CCDC149: variants seen among roughly 807,000 people sequenced by gnomAD.
CCDC149 encodes the protein coiled-coil domain-containing protein 149.
CCDC149 carries 45 observed loss-of-function variants against 59.9 expected under a neutral mutation model. That is an observed-to-expected ratio of 0.75 (90% CI 0.59 to 0.96). The LOEUF is 0.96. CCDC149 is among the 40% of genes least tolerant of loss of function. CCDC149 has a pLI of 0.00. For missense variants in CCDC149, 584 were observed against 664.7 expected, an observed-to-expected ratio of 0.88 and a Z score of 1.33; for synonymous variants, 245 against 260.6, an observed-to-expected ratio of 0.94 and a Z score of 0.58.
At chr4:24,917,267 G>A (rs534100502), upstream of CCDC149, among the ~76,000 whole-genome samples, 1 of 152,338 alleles carries the variant, frequency 6.6e-6, no homozygotes, top group African/African-American at 2.4e-5. Flanking sequence ...GTCAGCACGA[G>A]CTGCTCCCCT....
At chr4:24,959,877 C>T (rs1466290748) in intron 1 of CCDC149, among the ~76,000 whole-genome samples, 5 of 152,142 alleles carry the variant, frequency 3.3e-5, no homozygotes, top group African/African-American at 1.2e-4. Context: ...GAATTCACCA[C>T]CAGTAGACCT....
chr4:24,826,729 G>C (rs1715767558), intron 9 of CCDC149, among the ~76,000 whole-genome samples: 1 of 152,144 alleles, frequency 6.6e-6, no homozygotes, highest in Non-Finnish European at 1.5e-5. Context: ...TTGAGAAGAG[G>C]CAACTTAGAA....
At chr4:24,875,263 G>A (rs1202236867) in intron 2 of CCDC149, among the ~76,000 whole-genome samples, 1 of 151,744 alleles carries the variant, frequency 6.6e-6, no homozygotes, top group Non-Finnish European at 1.5e-5. Flanking sequence ...CTGGGAGGCG[G>A]AGCTTGCAGT....
At position 24,837,936 on chromosome 4, in the gene CCDC149, G is replaced by A. The variant is rs1249928441; in HGVS notation, c.489+220C>T. 6.6e-6 allele frequency among the ~76,000 whole-genome samples: 1 copy of A among 152,200 alleles called. No homozygotes were observed. The highest frequency in any genetic ancestry group is 6.5e-5 in the Admixed American group (1 of 15,286). On this transcript the variant is annotated intron_variant, in intron 5 of 12. Coordinates refer to ENST00000635206, the MANE Select transcript of CCDC149 (RefSeq NM_001330643.2). The surrounding 1 kb of genome is among the most constrained non-coding windows in gnomAD (Gnocchi z 4.3). ...GGAGGAACGTTTCTTGTTGTGTTCA[G>A]AACAATGGTACCCAATAGCAGGGAG...
intron 3 of CCDC149, among the ~76,000 whole-genome samples, chr4:24,860,464 A>T (rs558951439): frequency 6.6e-5 from 10 of 152,352 alleles, no homozygotes; most frequent in African/African-American, 2.4e-4. Context: ...GAAGGACTTA[A>T]ATCTAAGACC....
At chr4:24,813,499 T>TATATATATATACAC (rs1553846361) in intron 12 of CCDC149, among the ~76,000 whole-genome samples, 18 of 18,300 alleles carry the variant, frequency 9.8e-4, no homozygotes, top group Admixed American at 1.2e-3. Context: ...AATATATATA[T>TATATATATATACAC]ATATATATAT....
At chr4:24,854,741 G>A (rs1577413639) in intron 3 of CCDC149, among the ~76,000 whole-genome samples, 3 of 152,310 alleles carry the variant, frequency 2.0e-5, no homozygotes, top group African/African-American at 7.2e-5. Flanking sequence ...GGGATATCCT[G>A]TTGTCTTACC....
At chr4:24,976,668 G>C (rs773527603) in intron 1 of CCDC149, among the ~76,000 whole-genome samples, 1 of 152,112 alleles carries the variant, frequency 6.6e-6, no homozygotes, top group East Asian at 1.9e-4. Context: ...AGCCGAGATC[G>C]TGCCACTGCA....
chr4:24,858,982 C>G (rs7676788), intron 3 of CCDC149, among the ~76,000 whole-genome samples: 3,422 of 152,222 alleles, frequency 0.022, 131 homozygotes, highest in African/African-American at 0.078. Context: ...CTACAAATGC[C>G]GCAAAATATG....
chr4:24,853,376 T>C (rs955923538), intron 3 of CCDC149, 197 bp from the exon 4 acceptor site: 17 of 565,510 alleles, frequency 3.0e-5, no homozygotes, highest in African/African-American at 1.7e-4. Flanking sequence ...AAGTTGGCCA[T>C]GAACCTCAAT....
chr4:24,894,457 A>G (rs1720727215), intron 1 of CCDC149, among the ~76,000 whole-genome samples: 1 of 152,092 alleles, frequency 6.6e-6, no homozygotes, highest in South Asian at 2.1e-4. Flanking sequence ...GTGGGAGGGT[A>G]TTTCTGGGAG....
chr4:24,914,791 C>T (rs952975104), upstream of CCDC149, among the ~76,000 whole-genome samples: 1 of 152,188 alleles, frequency 6.6e-6, no homozygotes. Context: ...GATGAAGGGC[C>T]TGAATGGCTT....
chr4:24,833,666 G>A (rs924750324), intron 8 of CCDC149, among the ~76,000 whole-genome samples: 3 of 152,138 alleles, frequency 2.0e-5, no homozygotes, highest in Non-Finnish European at 4.4e-5. Context: ...GACATTTACT[G>A]TGTTTTCATG....
chr4:24,817,099 T>C (rs1274759869), intron 12 of CCDC149, among the ~76,000 whole-genome samples: 2 of 152,182 alleles, frequency 1.3e-5, no homozygotes, highest in African/African-American at 4.8e-5. Context: ...GAAGCTATCA[T>C]TTTGAATCAG....
At chr4:24,835,891 A>G (rs1716483713) in intron 7 of CCDC149, among the ~76,000 whole-genome samples, 1 of 152,318 alleles carries the variant, frequency 6.6e-6, no homozygotes, top group East Asian at 1.9e-4. Flanking sequence ...TAACATCTGC[A>G]GAAATAGATA....
chr4:24,820,056 A>T (rs1715286152), intron 11 of CCDC149, 81 bp from the exon 12 acceptor site: 2 of 1,003,892 alleles, frequency 2.0e-6, no homozygotes, highest in African/African-American at 3.2e-5. Flanking sequence ...CTTAATCGGC[A>T]CAGGGCTGGC....
chr4:24,978,576 T>C (rs554621241), intron 1 of CCDC149, among the ~76,000 whole-genome samples: 5 of 152,170 alleles, frequency 3.3e-5, no homozygotes, highest in Admixed American at 1.3e-4. Flanking sequence ...AAACCTCAGA[T>C]GAAGAGACAA....
intron 1 of CCDC149, among the ~76,000 whole-genome samples, chr4:24,930,811 A>C (rs540718013): frequency 1.3e-5 from 2 of 152,308 alleles, no homozygotes; most frequent in South Asian, 2.1e-4. Flanking sequence ...CATGATAAAA[A>C]ATTTCTGTTT....
intron 1 of CCDC149, among the ~76,000 whole-genome samples, chr4:24,911,647 C>T (rs895992280): frequency 6.6e-6 from 1 of 152,172 alleles, no homozygotes; most frequent in African/African-American, 2.4e-5. Context: ...TAACACCAGA[C>T]AGTTAGGAGA....
Sources: gnomAD v4.1 joint callset for allele counts (sites outside exome capture counted in the v4.1 genomes callset) on GRCh38, gnomAD v4.1.1 for gene constraint, Gnocchi (gnomAD v3.1) non-coding constraint, MANE v1.5 for transcripts, NCBI Gene and HGNC (gene_info 2026-07-23, HGNC 2026-07-21) for gene names.